Variants in GRIK2 observed in about 807,000 individuals in gnomAD.
GRIK2 encodes the protein glutamate ionotropic receptor kainate type subunit 2.
A neutral mutation model predicts 100.3 loss-of-function variants in GRIK2; 32 were observed. That is an observed-to-expected ratio of 0.32 (90% CI 0.24 to 0.43). GRIK2 has a LOEUF of 0.43. Ranked by LOEUF, GRIK2 falls within the 20% of genes least tolerant of loss-of-function variation. The pLI is 1.00. For missense variants in GRIK2, 843 were observed against 1,114.9 expected (o/e 0.76, Z 3.47); for synonymous variants, 417 against 389.4 (o/e 1.07, Z -0.83).
At chr6:102,047,488 G>A (rs543116870) in intron 15 of GRIK2, among the ~76,000 whole-genome samples, 1 of 152,192 alleles carries the variant, frequency 6.6e-6, no homozygotes, top group Admixed American at 6.6e-5. Flanking sequence ...GGTGGCTTAT[G>A]CCTGTAATCT....
chr6:101,424,472 A>T (rs1562127398), intron 2 of GRIK2, among the ~76,000 whole-genome samples: 3 of 151,554 alleles, frequency 2.0e-5, no homozygotes, highest in Non-Finnish European at 4.4e-5. Context: ...TTCCAGCTTC[A>T]TCCATGTCCC....
intron 14 of GRIK2, among the ~76,000 whole-genome samples, chr6:102,005,266 ACT>A (rs141235032): frequency 0.073 from 11,128 of 151,856 alleles, 563 homozygotes; most frequent in Middle Eastern, 0.19. Flanking sequence ...ACAATATGAG[ACT>A]CTGTGAAAGA....
At chr6:101,844,960 A>G (rs1408783667) in intron 10 of GRIK2, among the ~76,000 whole-genome samples, 6 of 151,966 alleles carry the variant, frequency 3.9e-5, no homozygotes, top group Non-Finnish European at 8.8e-5. Context: ...CCCTAAAGAA[A>G]ACTCTGTATC....
intron 10 of GRIK2, among the ~76,000 whole-genome samples, chr6:101,819,383 A>G (rs890684677): frequency 5.9e-5 from 9 of 152,204 alleles, no homozygotes; most frequent in Non-Finnish European, 4.4e-5. Flanking sequence ...CTTTAGTAGC[A>G]ACGAGGGATG....
rs899086006 is a variant in GRIK2 at position 101,489,799 on chromosome 6, A to G, written c.115+90407A>G. Among the ~76,000 whole-genome samples, 2 of 146,596 alleles carry G rather than the reference A, an allele frequency of 1.4e-5. 1 individual carries two copies. Among genetic ancestry groups the G allele is most frequent in the African/African-American group, 5.2e-5 (2 of 38,418 alleles). ...GGATTATGAAATCCCAGCATTAGAC[A>G]ACATATTTTCTAAGGTTAGGCAAAT... On this transcript the variant is annotated intron_variant, in intron 2 of 16. Transcript: ENST00000369134.
intron 2 of GRIK2, among the ~76,000 whole-genome samples, chr6:101,482,688 A>G (rs564902266): frequency 5.9e-5 from 9 of 152,186 alleles, no homozygotes; most frequent in Non-Finnish European, 8.8e-5. Flanking sequence ...TTAAGAGACT[A>G]TTAGACTAAT....
chr6:101,898,497 G>GATTAAAAAAT (rs1787625567), intron 12 of GRIK2, among the ~76,000 whole-genome samples: 1 of 151,576 alleles, frequency 6.6e-6, no homozygotes, highest in South Asian at 2.1e-4. Flanking sequence ...TCCTTAGTTA[G>GATTAAAAAAT]CTGTACTTAA....
rs1406560150 is a variant in GRIK2, at chr6:102,035,364, C to A, written c.2109C>A (p.Asp703Glu). 1.2e-6 allele frequency: 2 copies of A among 1,601,922 alleles called. No individual in the cohort carries two copies. Among genetic ancestry groups the A allele is most frequent in the Non-Finnish European group, 1.7e-6 (2 of 1,171,052 alleles). ...FFKKSKISTY[D>E]KMWAFMSSRR... ...AGAAATCAAAAATCTCCACGTATGACAAAATGTGGGCCTTTATGAGTAGCA... is the reference window on the plus strand; with the variant it reads ...AGAAATCAAAAATCTCCACGTATGAAAAAATGTGGGCCTTTATGAGTAGCA... The change falls in exon 15 of 17, where the codon GAC (aspartate) becomes GAA (glutamate). Residue 703 changes from aspartate to glutamate, a missense_variant. Transcript: ENST00000369134.
At chr6:101,975,155 G>A (rs1441474976) in intron 14 of GRIK2, among the ~76,000 whole-genome samples, 1 of 151,880 alleles carries the variant, frequency 6.6e-6, no homozygotes, top group Non-Finnish European at 1.5e-5. Context: ...GAGAAAAATC[G>A]TAGTTTCAGT....
Position 101,621,928 on chromosome 6 carries a change from TTTTCTC to T in GRIK2, c.116-15_116-10del. On this transcript the variant is annotated splice_polypyrimidine_tract_variant and intron_variant, in intron 2 of 16. Transcript: ENST00000369134. ...TGTTTATTCTTGTAAAATTTATGAT[TTTTCTC>T]TTTCTTTTTGCCAGGTGGTATTTTT... is the stretch of plus-strand genomic sequence containing the variant. 6.4e-7 allele frequency: 1 copy of T among 1,552,348 alleles called. No homozygotes were observed. Among genetic ancestry groups the T allele is most frequent in the Non-Finnish European group, 8.9e-7 (1 of 1,126,488 alleles).
At chr6:101,986,745 T>A (rs955000305) in intron 14 of GRIK2, among the ~76,000 whole-genome samples, 4 of 151,866 alleles carry the variant, frequency 2.6e-5, no homozygotes, top group African/African-American at 9.7e-5. Context: ...TCTATTACAG[T>A]TCATGCCTGA....
At chr6:101,768,355 A>G (rs190016578) in intron 7 of GRIK2, among the ~76,000 whole-genome samples, 1 of 152,272 alleles carries the variant, frequency 6.6e-6, no homozygotes, top group Non-Finnish European at 1.5e-5. Flanking sequence ...CAATGTCCCA[A>G]CTGGTGTTTG....
At chr6:101,969,251 C>A (rs1440129346) in intron 14 of GRIK2, among the ~76,000 whole-genome samples, 1 of 151,824 alleles carries the variant, frequency 6.6e-6, no homozygotes, top group Non-Finnish European at 1.5e-5. Flanking sequence ...ACACAGGATG[C>A]ATTTGAAGAA....
chr6:101,832,374 A>C (rs971816954), intron 10 of GRIK2, among the ~76,000 whole-genome samples: 1 of 152,184 alleles, frequency 6.6e-6, no homozygotes, highest in Non-Finnish European at 1.5e-5. Flanking sequence ...ATAATAAATA[A>C]TTTTATGAAA....
intron 14 of GRIK2, among the ~76,000 whole-genome samples, chr6:102,002,438 C>CAT (rs1001465269): frequency 6.7e-6 from 1 of 148,278 alleles, no homozygotes; most frequent in African/African-American, 2.5e-5. Context: ...AGTATATACA[C>CAT]ATATATGTAT....
chr6:101,614,272 C>T lies in GRIK2; in HGVS notation c.116-7677C>T, dbSNP rs1021380946. ...CAAAATGAGTATTGGGGTTTTATTT[C>T]TTCTTGTCCATTTTCTTTTCCCCCC... On this transcript the variant is annotated intron_variant, in intron 2 of 16. Transcript: ENST00000369134. Among the ~76,000 whole-genome samples the T allele has an allele frequency of 3.3e-5, 5 of 151,604 alleles. No homozygotes were observed. The Admixed American group carries it at 3.3e-4, about 10-fold the overall frequency.
At chr6:101,582,596 T>C (rs1778155030) in intron 2 of GRIK2, among the ~76,000 whole-genome samples, 2 of 151,996 alleles carry the variant, frequency 1.3e-5, no homozygotes, top group Admixed American at 6.6e-5. Flanking sequence ...CAAAGCAGCA[T>C]GAGAATGGAC....
intron 14 of GRIK2, among the ~76,000 whole-genome samples, chr6:102,030,518 C>T (rs151017959): frequency 2.5e-4 from 38 of 151,142 alleles, no homozygotes; most frequent in African/African-American, 9.2e-4. Flanking sequence ...TCAATTAGCC[C>T]TTGCTAAAAT....
At chr6:101,703,806 T>C (rs760774265) in intron 7 of GRIK2, among the ~76,000 whole-genome samples, 1 of 151,074 alleles carries the variant, frequency 6.6e-6, no homozygotes, top group African/African-American at 2.4e-5. Context: ...TAGTCTTAGA[T>C]AGAAGCAGGG....
Sources: gnomAD v4.1 joint callset for allele counts (sites outside exome capture counted in the v4.1 genomes callset) on GRCh38, gnomAD v4.1.1 for gene constraint, MANE v1.5 for transcripts, NCBI Gene and HGNC (gene_info 2026-07-23, HGNC 2026-07-21) for gene names.